Variants in NEGR1 observed in about 807,000 individuals in gnomAD.
NEGR1 encodes neuronal growth regulator 1.
NEGR1 carries 10 observed loss-of-function variants against 40.9 expected under a neutral mutation model. The observed-to-expected ratio is 0.24, with a 90% CI of 0.15 to 0.42. The LOEUF (loss-of-function observed/expected upper bound fraction) is 0.42. Ranked by LOEUF, NEGR1 falls within the 10% of genes least tolerant of loss-of-function variation. NEGR1 has a pLI of 1.00. For missense variants in NEGR1, 352 were observed against 438.9 expected (o/e 0.80, Z 1.77); for synonymous variants, 185 against 166.8 (o/e 1.11, Z -0.84).
intron 4 of NEGR1, among the ~76,000 whole-genome samples, chr1:71,662,744 T>A (rs1251958389): frequency 6.6e-6 from 1 of 151,646 alleles, no homozygotes; most frequent in Non-Finnish European, 1.5e-5. Flanking sequence ...AACATTTCTA[T>A]AAAATTATAT....
intron 2 of NEGR1, among the ~76,000 whole-genome samples, chr1:71,920,742 C>A (rs1367575598): frequency 6.6e-6 from 1 of 152,188 alleles, no homozygotes; most frequent in Non-Finnish European, 1.5e-5. Context: ...TGAAGAGGCA[C>A]AAATTGCTCT....
chr1:72,203,241 C>T (rs1447544248), intron 1 of NEGR1, among the ~76,000 whole-genome samples: 2 of 152,040 alleles, frequency 1.3e-5, no homozygotes, highest in African/African-American at 2.4e-5. Context: ...TTCACCATTT[C>T]AGCTGTAATT....
intron 1 of NEGR1, chr1:72,100,657 T>C (rs1231090847): frequency 6.6e-6 from 1 of 152,198 alleles, no homozygotes; most frequent in Non-Finnish European, 1.5e-5. Flanking sequence ...AATTATTTGA[T>C]GAGTGTCTCA....
At chr1:71,522,814 A>G (rs1647169723) in intron 6 of NEGR1, among the ~76,000 whole-genome samples, 1 of 151,322 alleles carries the variant, frequency 6.6e-6, no homozygotes, top group Non-Finnish European at 1.5e-5. Context: ...ACACGCTCCT[A>G]TGTGTGCTTG....
At chr1:71,679,449 T>C (rs1183803888) in intron 4 of NEGR1, among the ~76,000 whole-genome samples, 1 of 152,258 alleles carries the variant, frequency 6.6e-6, no homozygotes, top group African/African-American at 2.4e-5. Flanking sequence ...GCACATTTTC[T>C]CTGATATAAT....
intron 1 of NEGR1, among the ~76,000 whole-genome samples, chr1:72,017,724 A>G (rs1270002853): frequency 1.3e-5 from 2 of 149,472 alleles, no homozygotes; most frequent in Non-Finnish European, 3.0e-5. Flanking sequence ...ACAGTTTAAG[A>G]AAAAAAAAAC....
At chr1:71,693,138 A>T (rs573266557) in intron 4 of NEGR1, among the ~76,000 whole-genome samples, 45 of 151,884 alleles carry the variant, frequency 3.0e-4, no homozygotes, top group African/African-American at 1.0e-3. Context: ...TCTATAAAAA[A>T]TGGAATTAGT....
chr1:71,791,903 G>A (rs1050257989), intron 2 of NEGR1, among the ~76,000 whole-genome samples: 42 of 152,064 alleles, frequency 2.8e-4, no homozygotes, highest in African/African-American at 8.7e-4. Context: ...GGACTTGGGA[G>A]GATGAACAGA....
At chr1:71,588,679 A>G (rs780855896) in intron 6 of NEGR1, among the ~76,000 whole-genome samples, 16 of 152,190 alleles carry the variant, frequency 1.1e-4, no homozygotes, top group Non-Finnish European at 2.2e-4. Flanking sequence ...CCTACAGGCC[A>G]TGGAAGATAA....
At chr1:72,099,538 C>T (rs1648847612) in intron 1 of NEGR1, among the ~76,000 whole-genome samples, 2 of 151,894 alleles carry the variant, frequency 1.3e-5, no homozygotes, top group African/African-American at 4.8e-5. Flanking sequence ...CACTTTTATA[C>T]TCATAAATTT....
At chr1:71,992,497 A>T (rs992166709) in intron 1 of NEGR1, among the ~76,000 whole-genome samples, 1 of 152,226 alleles carries the variant, frequency 6.6e-6, no homozygotes, top group African/African-American at 2.4e-5. Flanking sequence ...TAGTAAAAAG[A>T]TAAGGTGAAA....
At chr1:72,136,819 A>T (rs527544112) in intron 1 of NEGR1, among the ~76,000 whole-genome samples, 1 of 152,320 alleles carries the variant, frequency 6.6e-6, no homozygotes, top group South Asian at 2.1e-4. Flanking sequence ...CAACCTACAG[A>T]ATGGGAGAAA....
chr1:71,599,946 C>A (rs565819020), intron 5 of NEGR1, among the ~76,000 whole-genome samples: 12 of 152,116 alleles, frequency 7.9e-5, no homozygotes, highest in Non-Finnish European at 1.5e-4. Context: ...TTTCTCCCCA[C>A]CACTTGAACT....
At chr1:72,123,524 T>A (rs1649887175) in intron 1 of NEGR1, among the ~76,000 whole-genome samples, 1 of 151,606 alleles carries the variant, frequency 6.6e-6, no homozygotes, top group Non-Finnish European at 1.5e-5. Flanking sequence ...TTATGGCAAA[T>A]GGATGAAGAA....
At chr1:71,933,371 G>T (rs935148621) in intron 2 of NEGR1, among the ~76,000 whole-genome samples, 2 of 151,886 alleles carry the variant, frequency 1.3e-5, no homozygotes, top group African/African-American at 4.8e-5. Context: ...AAAGGAAAAT[G>T]GAATATATTT....
intron 4 of NEGR1, among the ~76,000 whole-genome samples, chr1:71,659,521 A>C (rs2101589144): frequency 6.6e-6 from 1 of 152,344 alleles, no homozygotes; most frequent in African/African-American, 2.4e-5. Context: ...AGCAAAAGAA[A>C]CTATCAATAG....
chr1:72,213,656 C>T (rs935903085), intron 1 of NEGR1, among the ~76,000 whole-genome samples: 1 of 151,856 alleles, frequency 6.6e-6, no homozygotes, highest in South Asian at 2.1e-4. Context: ...TTGCTAGTTA[C>T]CCTCCCAAGA....
chr1:71,540,646 G>C (rs1363548245), intron 6 of NEGR1, among the ~76,000 whole-genome samples: 1 of 151,698 alleles, frequency 6.6e-6, no homozygotes, highest in East Asian at 2.0e-4. Context: ...GAATCTAAAA[G>C]GGGATTTGGC....
chr1:71,885,416 T>G (rs1048026682), intron 2 of NEGR1, among the ~76,000 whole-genome samples: 9 of 152,238 alleles, frequency 5.9e-5, no homozygotes, highest in African/African-American at 2.2e-4. Flanking sequence ...CAGTGTTTCT[T>G]GCAGGACATC....
Sources: gnomAD v4.1 joint callset for allele counts (sites outside exome capture counted in the v4.1 genomes callset) on GRCh38, gnomAD v4.1.1 for gene constraint, MANE v1.5 for transcripts, NCBI Gene and HGNC (gene_info 2026-07-23, HGNC 2026-07-21) for gene names.